The following SLC4A5 variants were observed in gnomAD, a reference collection of about 807,000 sequenced individuals.
SLC4A5 encodes the protein electrogenic sodium bicarbonate cotransporter 4.
Under a neutral mutation model 120.4 loss-of-function variants are expected in SLC4A5, and 96 were observed. That is an observed-to-expected ratio of 0.80 (90% CI 0.68 to 0.94). SLC4A5 has a LOEUF of 0.94. Among genes scored for constraint, SLC4A5 ranks in the 40% least tolerant of loss-of-function variants. The probability of loss-of-function intolerance (pLI) is 0.00; values close to 1 mark genes in which losing one functional copy is unlikely to be tolerated. For missense variants in SLC4A5, 1,259 were observed against 1,459.5 expected, an observed-to-expected ratio of 0.86 and a Z score of 2.24; for synonymous variants, 550 against 571.1, an observed-to-expected ratio of 0.96 and a Z score of 0.53.
intron 6 of SLC4A5, chr2:74,306,867 A>G: frequency 3.2e-6 from 2 of 634,280 alleles, no homozygotes; most frequent in Non-Finnish European, 5.8e-6. Flanking sequence ...GCCATCTTCC[A>G]GCAGGCAGTG....
chr2:74,334,341 C>CACG (rs1324408423), intron 3 of SLC4A5, 164 bp from the exon 4 acceptor site: 1 of 152,224 alleles, frequency 6.6e-6, no homozygotes, highest in African/African-American at 2.4e-5. Context: ...CTACAGCAGC[C>CACG]ACGACGCAAG....
At chr2:74,341,829 C>A (rs1407824309) in intron 2 of SLC4A5, among the ~76,000 whole-genome samples, 1 of 152,158 alleles carries the variant, frequency 6.6e-6, no homozygotes, top group Non-Finnish European at 1.5e-5. Context: ...CAGGGCTGCT[C>A]TTACTCTGGA....
At chr2:74,262,428 G>A (rs1359558862) in intron 10 of SLC4A5, among the ~76,000 whole-genome samples, 196 bp from the exon 11 acceptor site, 1 of 148,558 alleles carries the variant, frequency 6.7e-6, no homozygotes, top group African/African-American at 2.5e-5. Flanking sequence ...GGCTGGGCAC[G>A]ATGGCTCACG....
chr2:74,232,640 G>A (rs866281860), exon 24 of SLC4A5: 1 of 1,612,620 alleles, frequency 6.2e-7, no homozygotes, highest in South Asian at 1.1e-5. Flanking sequence ...ATGGTAGCCG[G>A]CAGCCTTCTG....
At chr2:74,307,185 C>T in intron 6 of SLC4A5, 1 of 554,400 alleles carries the variant, frequency 1.8e-6, no homozygotes, top group South Asian at 1.7e-5. Flanking sequence ...CACTGTGGTG[C>T]TCTCCTCCAT....
At chr2:74,249,242 C>T (rs1670715667) in intron 17 of SLC4A5, among the ~76,000 whole-genome samples, 1 of 152,110 alleles carries the variant, frequency 6.6e-6, no homozygotes, top group African/African-American at 2.4e-5. Context: ...TAGGGTGCCA[C>T]AGGAGCACGC....
chr2:74,240,041 TTA>T (rs142456944), intron 20 of SLC4A5, among the ~76,000 whole-genome samples: 53 of 145,326 alleles, frequency 3.6e-4, no homozygotes, highest in Middle Eastern at 3.6e-3. Flanking sequence ...ATATATAAAT[TTA>T]TATATATATA....
intron 12 of SLC4A5, among the ~76,000 whole-genome samples, chr2:74,256,156 C>T (rs375438625): frequency 1.3e-5 from 2 of 152,236 alleles, no homozygotes; most frequent in African/African-American, 2.4e-5. Context: ...GAACTGGCAA[C>T]GACTTTCCTT....
At chr2:74,334,668 A>T (rs1413442263) in intron 3 of SLC4A5, among the ~76,000 whole-genome samples, 2 of 152,104 alleles carry the variant, frequency 1.3e-5, no homozygotes, top group Admixed American at 1.3e-4. Flanking sequence ...CCTAGAATAG[A>T]GCCTGGCTCA....
intron 6 of SLC4A5, chr2:74,307,353 T>C: frequency 1.7e-6 from 1 of 597,998 alleles, no homozygotes; most frequent in Admixed American, 2.0e-5. Context: ...TTGTAGGTCT[T>C]TTACTTCCTC....
intron 7 of SLC4A5, among the ~76,000 whole-genome samples, chr2:74,295,144 A>T (rs946514183): frequency 6.6e-6 from 1 of 150,648 alleles, no homozygotes; most frequent in Non-Finnish European, 1.5e-5. Context: ...TGTGTTGGAG[A>T]GGGGGCGCTG....
At chr2:74,292,566 C>T (rs781157251) in intron 7 of SLC4A5, among the ~76,000 whole-genome samples, 35 of 152,194 alleles carry the variant, frequency 2.3e-4, no homozygotes, top group Non-Finnish European at 2.9e-5. Flanking sequence ...AGTGCCAGCC[C>T]AACTATAGGA....
intron 4 of SLC4A5, among the ~76,000 whole-genome samples, chr2:74,330,840 T>TAC (rs1673342996): frequency 1.6e-5 from 1 of 60,928 alleles, no homozygotes; most frequent in Non-Finnish European, 3.1e-5. Context: ...GATGGAGGTG[T>TAC]ATGGTGTAGG....
rs1162538083 is a variant in SLC4A5, at chr2:74,254,719, TGGA to T, written c.1026-16_1026-14del. ...TATAAACAGAAATCTGCAAAGAAGATGGAGGAGGAGACAGAGAAGATTAAGGAA... is the reference window on the plus strand; with the variant it reads ...TATAAACAGAAATCTGCAAAGAAGATGGAGGAGACAGAGAAGATTAAGGAA... On this transcript the variant is annotated splice_polypyrimidine_tract_variant and intron_variant, in intron 13 of 30. Coordinates refer to ENST00000394019, the Ensembl canonical transcript of SLC4A5. 1.5e-5 allele frequency: 24 copies of T among 1,580,648 alleles called. No individual in the cohort carries two copies. Among genetic ancestry groups the T allele is most frequent in the Non-Finnish European group, 2.1e-5 (24 of 1,150,174 alleles).
chr2:74,295,615 T>C (rs937984846), intron 7 of SLC4A5, among the ~76,000 whole-genome samples: 12 of 151,868 alleles, frequency 7.9e-5, no homozygotes, highest in Admixed American at 6.6e-4. Flanking sequence ...GCCTGGGCAA[T>C]AGAGGGAGAC....
chr2:74,285,385 C>T (rs1671948847), intron 8 of SLC4A5, among the ~76,000 whole-genome samples: 1 of 152,152 alleles, frequency 6.6e-6, no homozygotes, highest in South Asian at 2.1e-4. Context: ...GCAAAACCTG[C>T]ATATATGGGC....
rs1382355498 is a variant in SLC4A5 at position 74,304,639 on chromosome 2, G to A, written c.121C>T (p.Pro41Ser). ...CCCTTCTGGTCAGTTTTTCTTTGAG[G>A]GTAAGTGGGTACTGGAAGCCCAATG... Residue 41 changes from proline to serine, a missense_variant, in exon 7 of 31, where the codon CCT becomes TCT. By Grantham distance (74) the Pro-to-Ser change is moderately conservative (BLOSUM62 -1). Coordinates refer to ENST00000394019, the Ensembl canonical transcript of SLC4A5. 1.4e-5 allele frequency: 22 copies of A among 1,613,982 alleles called. 1 individual carries two copies. Among genetic ancestry groups the A allele is most frequent in the Non-Finnish European group, 1.8e-5 (21 of 1,179,998 alleles).
intron 6 of SLC4A5, among the ~76,000 whole-genome samples, chr2:74,305,928 G>A (rs938650680): frequency 3.3e-5 from 5 of 152,002 alleles, no homozygotes; most frequent in African/African-American, 1.2e-4. Context: ...GTTTCGCCAT[G>A]TTAGCCAGGC....
intron 6 of SLC4A5, among the ~76,000 whole-genome samples, 157 bp from the exon 7 acceptor site, chr2:74,304,837 A>G (rs1167565695): frequency 1.3e-5 from 2 of 152,212 alleles, no homozygotes; most frequent in African/African-American, 4.8e-5. Flanking sequence ...GGGTTTGACC[A>G]AGTTCCATTA....
Sources: gnomAD v4.1 joint callset for allele counts (sites outside exome capture counted in the v4.1 genomes callset) on GRCh38, gnomAD v4.1.1 for gene constraint, MANE v1.5 for transcripts, NCBI Gene and HGNC (gene_info 2026-07-23, HGNC 2026-07-21) for gene names.